The following SGMS1 variants were observed in gnomAD, a reference collection of about 807,000 sequenced individuals.
The protein encoded by SGMS1 is phosphatidylcholine:ceramide cholinephosphotransferase 1.
Under a neutral mutation model 46.2 loss-of-function variants are expected in SGMS1, and 13 were observed. The observed-to-expected ratio is 0.28, with a 90% CI of 0.18 to 0.45. The LOEUF is 0.45. Ranked by LOEUF, SGMS1 falls within the 20% of genes least tolerant of loss-of-function variation. The probability of loss-of-function intolerance (pLI) is 1.00; values close to 1 mark genes in which losing one functional copy is unlikely to be tolerated. For missense variants in SGMS1, 324 were observed against 519.9 expected, an observed-to-expected ratio of 0.62 and a Z score of 3.66; for synonymous variants, 203 against 187.8, an observed-to-expected ratio of 1.08 and a Z score of -0.66.
At chr10:50,476,097 CAAA>C (rs58641986) in intron 3 of SGMS1, among the ~76,000 whole-genome samples, 15 of 43,298 alleles carry the variant, frequency 3.5e-4, no homozygotes, top group African/African-American at 9.0e-4. Context: ...ACTAAAAATA[CAAA>C]AAAAAAAAAA....
At chr10:50,401,528 A>T (rs1848940482) in intron 6 of SGMS1, among the ~76,000 whole-genome samples, 1 of 152,142 alleles carries the variant, frequency 6.6e-6, no homozygotes, top group South Asian at 2.1e-4. Context: ...CACAGGAGAA[A>T]TCCCTCTAGT....
intron 8 of SGMS1, among the ~76,000 whole-genome samples, chr10:50,314,194 A>C (rs1004846426): frequency 6.6e-6 from 1 of 152,130 alleles, no homozygotes; most frequent in Non-Finnish European, 1.5e-5. Flanking sequence ...AAATGAACAT[A>C]ACAGGAGCTC....
chr10:50,343,650 G>A lies in SGMS1; in HGVS notation c.465C>T (p.Val155=), dbSNP rs746486175. The change falls in exon 7 of 11, where the codon GTC becomes GTT. Residue 155 remains valine (V), a synonymous_variant. Transcript: ENST00000361781. ...CFVLTTVMIS[V]VHERVPPKEV... Reference sequence around the variant, plus strand: ...CCTTAGGAGGTACTCGTTCGTGGACGACCGAGATCATCACTGTGGTGAGAA... The same window carrying A: ...CCTTAGGAGGTACTCGTTCGTGGACAACCGAGATCATCACTGTGGTGAGAA... 3 of 1,602,610 alleles carry A rather than the reference G, an allele frequency of 1.9e-6. No homozygotes were observed. The highest frequency in any genetic ancestry group is 1.4e-5 in the African/African-American group (1 of 71,278).
chr10:50,381,544 G>A (rs1848606118), intron 6 of SGMS1, among the ~76,000 whole-genome samples: 1 of 152,158 alleles, frequency 6.6e-6, no homozygotes, highest in African/African-American at 2.4e-5. Flanking sequence ...TGGCCTTAGG[G>A]ATGTCTTTTT....
At chr10:50,527,063 C>CAA (rs573386594) in intron 2 of SGMS1, among the ~76,000 whole-genome samples, 66 of 90,784 alleles carry the variant, frequency 7.3e-4, no homozygotes, top group Middle Eastern at 5.4e-3. Context: ...GACTCTGTCT[C>CAA]AAAAAAAAAA....
chr10:50,556,215 T>C (rs1238471945), intron 2 of SGMS1, among the ~76,000 whole-genome samples: 2 of 152,216 alleles, frequency 1.3e-5, no homozygotes, highest in Non-Finnish European at 1.5e-5. Flanking sequence ...ACCTCATTCA[T>C]TCATTTAACA....
chr10:50,433,733 G>GA (rs1247083622), intron 5 of SGMS1, among the ~76,000 whole-genome samples, 177 bp from the exon 6 acceptor site: 1 of 152,040 alleles, frequency 6.6e-6, no homozygotes, highest in East Asian at 1.9e-4. Flanking sequence ...TACCTTAAGA[G>GA]AAAAAAAATT....
intron 3 of SGMS1, among the ~76,000 whole-genome samples, chr10:50,517,534 G>C (rs1588861342): frequency 6.6e-6 from 1 of 151,970 alleles, no homozygotes. Flanking sequence ...GAAATTAAGA[G>C]ACATAAAGGA....
intron 1 of SGMS1, among the ~76,000 whole-genome samples, chr10:50,600,878 C>A (rs1049257687): frequency 1.1e-4 from 16 of 152,120 alleles, no homozygotes; most frequent in Non-Finnish European, 1.9e-4. Context: ...GAGGACAAAT[C>A]AGAGGAGAGA....
At chr10:50,406,352 T>C (rs1849014413) in intron 6 of SGMS1, among the ~76,000 whole-genome samples, 1 of 152,206 alleles carries the variant, frequency 6.6e-6, no homozygotes, top group Non-Finnish European at 1.5e-5. Context: ...AAAGCCTGTC[T>C]CAAACAGTTT....
At chr10:50,355,845 C>T (rs910956307) in intron 6 of SGMS1, among the ~76,000 whole-genome samples, 7 of 151,938 alleles carry the variant, frequency 4.6e-5, no homozygotes, top group East Asian at 1.9e-4. Flanking sequence ...TCTGCCCCGC[C>T]GCCCTGTCTG....
intron 7 of SGMS1, chr10:50,342,229 A>G (rs189218156): frequency 2.8e-4 from 42 of 152,368 alleles, no homozygotes; most frequent in African/African-American, 9.4e-4. Context: ...ATAAACTCCA[A>G]GTATCTTGTA....
At chr10:50,432,809 T>C (rs1849421519) in intron 6 of SGMS1, among the ~76,000 whole-genome samples, 1 of 152,104 alleles carries the variant, frequency 6.6e-6, no homozygotes, top group African/African-American at 2.4e-5. Flanking sequence ...TTCTGAGAGG[T>C]TGAGTAACTA....
intron 2 of SGMS1, among the ~76,000 whole-genome samples, chr10:50,585,252 C>T (rs1838472708): frequency 6.6e-6 from 1 of 152,150 alleles, no homozygotes; most frequent in African/African-American, 2.4e-5. Context: ...ATTAAAGTAG[C>T]ACAAGACTGA....
intron 3 of SGMS1, among the ~76,000 whole-genome samples, chr10:50,496,904 A>G (rs982669339): frequency 6.6e-6 from 1 of 152,228 alleles, no homozygotes; most frequent in Non-Finnish European, 1.5e-5. Flanking sequence ...GTAGTCCTCC[A>G]TGCATGTCAA....
At chr10:50,523,891 G>A (rs3011776) in intron 2 of SGMS1, among the ~76,000 whole-genome samples, 6,975 of 152,314 alleles carry the variant, frequency 0.046, 216 homozygotes, top group Non-Finnish European at 0.07. Flanking sequence ...TGTGCTCAAG[G>A]CACACGTGTG....
chr10:50,400,833 A>G (rs995949930), intron 6 of SGMS1, among the ~76,000 whole-genome samples: 4 of 152,190 alleles, frequency 2.6e-5, no homozygotes, highest in Admixed American at 1.3e-4. Context: ...GACAGTTGTC[A>G]GATCCTGTCT....
In SGMS1 at chr10:50,306,966, C is replaced by T. The variant is rs1428451423; in HGVS notation, c.*176G>A. The T allele has an allele frequency of 1.1e-5, 7 of 614,188 alleles. No homozygotes were observed. Among genetic ancestry groups the T allele is most frequent in the South Asian group, 5.0e-5 (2 of 39,970 alleles). 38.0% of individuals were successfully genotyped at this position (614,188 alleles called of 1,614,324 possible). ...TAAATTTTTCTTTATTGTTGTCCAA[C>T]GCAGGTCCTTTGGAGAGAAAAAAAG... is the stretch of plus-strand genomic sequence containing the variant. On this transcript the variant is annotated 3_prime_UTR_variant, in exon 11 of 11. Transcript: ENST00000361781.
Position 50,587,633 on chromosome 10 carries a change from A to ATATGTGTGTGTG in SGMS1, c.-589+2519_-589+2520insCACACACACATA, listed in dbSNP as rs760688384. The stretch of plus-strand genomic sequence containing the variant: ...AGCAAGACTGCATCTCAAAATATAT[A>ATATGTGTGTGTG]TGTGTGTGTGTGTGTGTGTGTGTGT... On this transcript the variant is annotated intron_variant, in intron 2 of 10. Coordinates refer to ENST00000361781, the MANE Select transcript of SGMS1 (RefSeq NM_147156.4). 4.2e-4 allele frequency among the ~76,000 whole-genome samples: 58 copies of ATATGTGTGTGTG among 138,256 alleles called. 1 individual carries two copies. Among genetic ancestry groups the ATATGTGTGTGTG allele is most frequent in the South Asian group, 3.1e-3 (13 of 4,178 alleles). 90.7% of individuals were successfully genotyped at this position (138,256 alleles called of 152,430 possible).
Sources: gnomAD v4.1 joint callset for allele counts (sites outside exome capture counted in the v4.1 genomes callset) on GRCh38, gnomAD v4.1.1 for gene constraint, MANE v1.5 for transcripts, NCBI Gene and HGNC (gene_info 2026-07-23, HGNC 2026-07-21) for gene names.